The following DPH6 variants were observed in gnomAD, a reference collection of about 807,000 sequenced individuals.
The protein encoded by DPH6 is diphthamine biosynthesis 6.
Under a neutral mutation model 38.2 loss-of-function variants are expected in DPH6, and 33 were observed. That is an observed-to-expected ratio of 0.86 (90% CI 0.65 to 1.15). The LOEUF is 1.15. Ranked by LOEUF, DPH6 falls within the 50% of genes most tolerant of loss-of-function variation. The pLI, the probability that DPH6 is intolerant of heterozygous loss-of-function variation, is 0.00. For synonymous variants in DPH6, 108 were observed against 103.0 expected (o/e 1.05, Z -0.30); for missense variants, 325 against 320.0 (o/e 1.02, Z -0.12).
At chr15:35,374,779 T>C (rs969105248) in intron 7 of DPH6, among the ~76,000 whole-genome samples, 2 of 152,214 alleles carry the variant, frequency 1.3e-5, no homozygotes, top group African/African-American at 4.8e-5. Flanking sequence ...ACAGTCTACA[T>C]CAACCAAAGA....
Position 35,373,684 on chromosome 15 carries a change from G to T in DPH6, c.663-76C>A. 3 of 1,131,006 alleles carry T rather than the reference G, an allele frequency of 2.7e-6. No individual in the cohort carries two copies. The South Asian group carries it at 4.5e-5, about 17-fold the overall frequency. The allele number at this position is 1,131,006 out of a possible 1,614,324, so 70.1% of individuals were successfully genotyped here. A position where few individuals can be genotyped will look rare whatever the true frequency, so the allele number is the denominator to read the frequency against. ...AAATCATTCCTCCTACTGACTAGAAGAGACTAAACATTCTTGTTTTATATT... is the reference window on the plus strand; with the variant it reads ...AAATCATTCCTCCTACTGACTAGAATAGACTAAACATTCTTGTTTTATATT... On this transcript the variant is annotated intron_variant, in intron 7 of 8. Coordinates refer to ENST00000256538, the MANE Select transcript of DPH6 (RefSeq NM_080650.4).
the DPH6 span, among the ~76,000 whole-genome samples, chr15:35,162,923 C>T: frequency 6.6e-6 from 1 of 151,860 alleles, no homozygotes; most frequent in Admixed American, 6.6e-5. Flanking sequence ...ACCCCATAAG[C>T]AAATTGGTCA....
chr15:35,490,406 A>G (rs1212403373), intron 3 of DPH6, among the ~76,000 whole-genome samples: 1 of 152,172 alleles, frequency 6.6e-6, no homozygotes, highest in Admixed American at 6.6e-5. Flanking sequence ...TTTAAGCCAT[A>G]TGTGTGTGAC....
At chr15:35,183,252 C>T in the DPH6 span, among the ~76,000 whole-genome samples, 1 of 151,922 alleles carries the variant, frequency 6.6e-6, no homozygotes, top group East Asian at 2.0e-4. Flanking sequence ...AGCTCATTAG[C>T]AGCAGGGAGC....
intron 3 of DPH6, chr15:35,522,346 C>T: frequency 6.6e-7 from 1 of 1,503,912 alleles, no homozygotes; most frequent in Non-Finnish European, 9.0e-7. Flanking sequence ...AGCCCTGAGG[C>T]TGGATTACCA....
At chr15:35,278,295 C>T (rs1356972136) in intron 3 of DPH6, among the ~76,000 whole-genome samples, 1 of 152,240 alleles carries the variant, frequency 6.6e-6, no homozygotes, top group African/African-American at 2.4e-5. Context: ...CTCTGGCTGC[C>T]ACTTTGGAGA....
At chr15:35,531,716 G>A (rs950969523) in intron 3 of DPH6, among the ~76,000 whole-genome samples, 3 of 152,130 alleles carry the variant, frequency 2.0e-5, no homozygotes, top group Non-Finnish European at 4.4e-5. Context: ...TGGTCTGCCC[G>A]CCTCGGCCTC....
intron 3 of DPH6, among the ~76,000 whole-genome samples, chr15:35,225,651 A>G (rs76754913): frequency 0.035 from 5,370 of 152,194 alleles, 311 homozygotes; most frequent in African/African-American, 0.12. Flanking sequence ...AGAATCAGCC[A>G]TTTCTTCAAA....
chr15:35,301,144 G>C (rs2052052061), intron 3 of DPH6, among the ~76,000 whole-genome samples: 1 of 152,124 alleles, frequency 6.6e-6, no homozygotes, highest in Non-Finnish European at 1.5e-5. Context: ...TAGGTTTTGA[G>C]AAATTTAAAA....
the DPH6 span, among the ~76,000 whole-genome samples, chr15:35,202,051 C>T: frequency 5.9e-5 from 9 of 151,854 alleles, no homozygotes; most frequent in African/African-American, 2.2e-4. Flanking sequence ...TTTTGTAGCA[C>T]ATCTTTTATA....
intron 3 of DPH6, among the ~76,000 whole-genome samples, chr15:35,295,894 T>C (rs1023151211): frequency 6.6e-6 from 1 of 152,080 alleles, no homozygotes; most frequent in African/African-American, 2.4e-5. Context: ...GCCTTGAACA[T>C]CATATTACTT....
At chr15:35,396,718 G>T (rs1204335750) in intron 6 of DPH6, among the ~76,000 whole-genome samples, 1 of 152,016 alleles carries the variant, frequency 6.6e-6, no homozygotes, top group East Asian at 1.9e-4. Context: ...CAATCATAAA[G>T]TTATACAAAG....
chr15:35,249,038 C>G (rs891562219), intron 3 of DPH6, among the ~76,000 whole-genome samples: 1 of 152,000 alleles, frequency 6.6e-6, no homozygotes, highest in African/African-American at 2.4e-5. Flanking sequence ...TAGAGGAAAC[C>G]GCAGAATTAT....
intron 3 of DPH6, among the ~76,000 whole-genome samples, chr15:35,470,135 T>G (rs1298052325): frequency 6.6e-6 from 1 of 151,924 alleles, no homozygotes; most frequent in East Asian, 1.9e-4. Context: ...GAGGCAGAGG[T>G]TGCAGTGAGC....
chr15:35,201,469 G>C, the DPH6 span, among the ~76,000 whole-genome samples: 6,594 of 151,788 alleles, frequency 0.043, 379 homozygotes, highest in East Asian at 0.3. Flanking sequence ...TATTCTGAAT[G>C]CTAACCATTT....
chr15:35,429,479 A>G (rs1040346543), intron 5 of DPH6, among the ~76,000 whole-genome samples: 2 of 140,116 alleles, frequency 1.4e-5, no homozygotes, highest in African/African-American at 5.7e-5. Flanking sequence ...TTTCATCAGC[A>G]TGCCCTTCAA....
chr15:35,387,227 C>T (rs1345243913), intron 6 of DPH6, among the ~76,000 whole-genome samples: 1 of 152,120 alleles, frequency 6.6e-6, no homozygotes, highest in African/African-American at 2.4e-5. Flanking sequence ...CAGTAGCATG[C>T]TGTTTTGGTT....
At chr15:35,528,278 T>C (rs1044288952) in intron 3 of DPH6, among the ~76,000 whole-genome samples, 1 of 152,162 alleles carries the variant, frequency 6.6e-6, no homozygotes, top group Non-Finnish European at 1.5e-5. Flanking sequence ...CATATTGATA[T>C]GAAGCATCTT....
At chr15:35,500,459 C>A (rs2054611885) in intron 3 of DPH6, among the ~76,000 whole-genome samples, 1 of 152,136 alleles carries the variant, frequency 6.6e-6, no homozygotes, top group East Asian at 1.9e-4. Context: ...AATGAGAGCA[C>A]TAGGGCTATT....
Sources: allele counts gnomAD v4.1 joint callset (sites outside exome capture counted in the v4.1 genomes callset), GRCh38; gene constraint gnomAD v4.1.1; transcripts MANE v1.5; gene names NCBI Gene and HGNC (gene_info 2026-07-23, HGNC 2026-07-21).